ZNF385D: variants seen among roughly 807,000 people sequenced by gnomAD.
ZNF385D encodes zinc finger protein 385D.
In ZNF385D, 15 loss-of-function variants were observed where a neutral mutation model predicts 35.8. That is an observed-to-expected ratio of 0.42 (90% CI 0.28 to 0.64). The LOEUF is 0.64. Among genes scored for constraint, ZNF385D ranks in the 30% least tolerant of loss-of-function variants. The probability of loss-of-function intolerance (pLI) is 0.23; values close to 1 mark genes in which losing one functional copy is unlikely to be tolerated. For synonymous variants in ZNF385D, 212 were observed against 186.8 expected, an observed-to-expected ratio of 1.13 and a Z score of -1.10; for missense variants, 474 against 494.6, an observed-to-expected ratio of 0.96 and a Z score of 0.39.
At chr3:21,606,283 G>A (rs1252520371) in intron 2 of ZNF385D, among the ~76,000 whole-genome samples, 4 of 152,092 alleles carry the variant, frequency 2.6e-5, no homozygotes, top group Non-Finnish European at 4.4e-5. Context: ...TGGTAATGAT[G>A]CCACCTCTGG....
At chr3:22,098,196 TC>T (rs1299951426) in intron 3 of ZNF385D, among the ~76,000 whole-genome samples, 1 of 152,028 alleles carries the variant, frequency 6.6e-6, no homozygotes, top group Non-Finnish European at 1.5e-5. Context: ...CAATAAAATA[TC>T]ACGTGATTTT....
chr3:22,300,432 C>T (rs893825540), intron 2 of ZNF385D, among the ~76,000 whole-genome samples: 3 of 149,954 alleles, frequency 2.0e-5, no homozygotes, highest in African/African-American at 7.4e-5. Flanking sequence ...CAGACAACAA[C>T]AGGTAAATGA....
chr3:22,133,643 T>C (rs1389006792), intron 3 of ZNF385D: 1 of 152,152 alleles, frequency 6.6e-6, no homozygotes, highest in African/African-American at 2.4e-5. Flanking sequence ...CTCTATTCTT[T>C]CTACTACATA....
chr3:22,065,838 T>C (rs115352883), intron 3 of ZNF385D, among the ~76,000 whole-genome samples: 2,209 of 152,260 alleles, frequency 0.015, 55 homozygotes, highest in African/African-American at 0.051. Context: ...TTTTAATCTC[T>C]TATCTCCTCA....
intron 3 of ZNF385D, among the ~76,000 whole-genome samples, chr3:22,124,939 A>G (rs930287515): frequency 3.3e-5 from 5 of 152,012 alleles, no homozygotes; most frequent in African/African-American, 7.2e-5. Flanking sequence ...CCATTTGTCC[A>G]ATTTTGGTTT....
chr3:21,940,552 G>C (rs1325653503), intron 3 of ZNF385D, among the ~76,000 whole-genome samples: 1 of 152,198 alleles, frequency 6.6e-6, no homozygotes, highest in Non-Finnish European at 1.5e-5. Context: ...GCTTCTTGCT[G>C]AAGTGCAGCA....
chr3:22,372,441 T>G, intron 2 of ZNF385D: 3 of 985,712 alleles, frequency 3.0e-6, no homozygotes, highest in South Asian at 9.4e-5. Flanking sequence ...CTTTTTGCAC[T>G]CAACTTACCG....
At chr3:22,290,044 T>G (rs1702220515) in intron 2 of ZNF385D, among the ~76,000 whole-genome samples, 2 of 152,166 alleles carry the variant, frequency 1.3e-5, no homozygotes, top group African/African-American at 4.8e-5. Flanking sequence ...CCTGGAAGTG[T>G]GATCATGCCT....
intron 3 of ZNF385D, among the ~76,000 whole-genome samples, chr3:21,965,839 T>A (rs769415251): frequency 6.6e-6 from 1 of 151,836 alleles, no homozygotes; most frequent in Non-Finnish European, 1.5e-5. Flanking sequence ...CTCAAAAATA[T>A]GGAAGAAAGA....
At chr3:22,300,119 A>T (rs2125410378) in intron 2 of ZNF385D, among the ~76,000 whole-genome samples, 1 of 152,068 alleles carries the variant, frequency 6.6e-6, no homozygotes, top group African/African-American at 2.4e-5. Flanking sequence ...CACATAGACC[A>T]ATGGAATAGA....
At chr3:22,113,491 A>C (rs1240903190) in intron 3 of ZNF385D, among the ~76,000 whole-genome samples, 1 of 152,114 alleles carries the variant, frequency 6.6e-6, no homozygotes, top group Non-Finnish European at 1.5e-5. Flanking sequence ...AGATGATAGA[A>C]GGCCTGGGGA....
rs367942289 is a variant in ZNF385D, at chr3:21,681,298, T to TGAAAA, written c.23-16271_23-16270insTTTTC. On this transcript the variant is annotated intron_variant, in intron 1 of 7. Coordinates refer to ENST00000281523, the MANE Select transcript of ZNF385D (RefSeq NM_024697.3). ...AGCCTATGTGAATATATTCCATCAG[T>TGAAAA]AAAAAAAAAAAAAAAAAAAAAAAAA... Among the ~76,000 whole-genome samples the TGAAAA allele has an allele frequency of 1.1e-4, 7 of 64,464 alleles. 1 individual carries two copies. Among genetic ancestry groups the TGAAAA allele is most frequent in the Non-Finnish European group, 1.4e-4 (5 of 36,028 alleles). The allele number at this position is 64,464 out of a possible 152,430, so 42.3% of individuals were successfully genotyped here.
At chr3:21,681,469 T>C (rs2066905941) in intron 1 of ZNF385D, among the ~76,000 whole-genome samples, 1 of 151,540 alleles carries the variant, frequency 6.6e-6, no homozygotes, top group African/African-American at 2.4e-5. Context: ...ATAAGCAAGC[T>C]TTAATCTGCC....
chr3:21,519,986 C>G lies in ZNF385D; in HGVS notation c.277-8963G>C, dbSNP rs1707808269. On this transcript the variant is annotated intron_variant, in intron 3 of 7. Coordinates refer to ENST00000281523, the MANE Select transcript of ZNF385D (RefSeq NM_024697.3). ...GGCATAAATAAAATGTGCGTCTCCT[C>G]TAATCCTTAATTTCCTCCTCCAGCA... Among the ~76,000 whole-genome samples the G allele has an allele frequency of 2.0e-5, 3 of 152,240 alleles. No individual in the cohort carries two copies. The South Asian group carries it at 6.2e-4, about 31-fold the overall frequency.
intron 3 of ZNF385D, among the ~76,000 whole-genome samples, chr3:22,065,178 C>A (rs556799663): frequency 2.2e-4 from 33 of 152,154 alleles, no homozygotes; most frequent in Non-Finnish European, 3.5e-4. Context: ...AAGTCTTAGA[C>A]TCAAAGAGAG....
intron 1 of ZNF385D, among the ~76,000 whole-genome samples, chr3:21,692,113 G>T (rs995922489): frequency 6.6e-6 from 1 of 152,062 alleles, no homozygotes; most frequent in South Asian, 2.1e-4. Flanking sequence ...ATTATAATTT[G>T]CTTACCTGTT....
Position 22,064,111 on chromosome 3 carries a change from C to G in ZNF385D, c.325+104706G>C, listed in dbSNP as rs1699819489. Among the ~76,000 whole-genome samples the G allele has an allele frequency of 4.6e-5, 7 of 152,320 alleles. No individual in the cohort carries two copies. The South Asian group carries it at 1.4e-3, about 32-fold the overall frequency. ...TTTAGGGGACTGCTAGGACTTCAGT[C>G]TAGTTATAGGGCTAGAAATCAAGAG... On this transcript the variant is annotated intron_variant, in intron 3 of 5. Coordinates refer to the ZNF385D transcript ENST00000494108.
At chr3:22,336,871 A>C (rs1207368839) in intron 2 of ZNF385D, among the ~76,000 whole-genome samples, 2 of 138,660 alleles carry the variant, frequency 1.4e-5, no homozygotes, top group Admixed American at 7.8e-5. Flanking sequence ...ATGGTAATGA[A>C]TGACATCCTT....
At chr3:21,761,447 A>G (rs1274436440) in intron 3 of ZNF385D, among the ~76,000 whole-genome samples, 1 of 150,028 alleles carries the variant, frequency 6.7e-6, no homozygotes, top group African/African-American at 2.4e-5. Flanking sequence ...AAGTGATGGC[A>G]AGGTGGTCTA....
Sources: gnomAD v4.1 joint callset for allele counts (sites outside exome capture counted in the v4.1 genomes callset) on GRCh38, gnomAD v4.1.1 for gene constraint, MANE v1.5 for transcripts, NCBI Gene and HGNC (gene_info 2026-07-23, HGNC 2026-07-21) for gene names.